Variants in EBF2 observed in about 807,000 individuals in gnomAD.
EBF2 encodes EBF transcription factor 2.
A neutral mutation model predicts 72.8 loss-of-function variants in EBF2; 21 were observed. The ratio of observed to expected loss-of-function variants is 0.29; its 90% CI spans 0.20 to 0.42. The LOEUF is 0.42. EBF2 is among the 10% of genes least tolerant of loss of function. The pLI, the probability that EBF2 is intolerant of heterozygous loss-of-function variation, is 1.00. For synonymous variants in EBF2, 299 were observed against 274.2 expected (o/e 1.09, Z -0.89); for missense variants, 637 against 731.2 (o/e 0.87, Z 1.49).
intron 5 of EBF2, among the ~76,000 whole-genome samples, chr8:26,036,345 A>G (rs1276928873): frequency 2.0e-5 from 3 of 152,304 alleles, no homozygotes; most frequent in Non-Finnish European, 4.4e-5. Flanking sequence ...TTAGGATCCA[A>G]TCCTCCATTT....
At chr8:25,941,252 C>A (rs1237378039) in intron 6 of EBF2, among the ~76,000 whole-genome samples, 1 of 148,970 alleles carries the variant, frequency 6.7e-6, no homozygotes, top group African/African-American at 2.5e-5. Context: ...GCTGCCCAGG[C>A]TGGAGTGCAG....
chr8:26,035,574 G>A (rs956983891), intron 5 of EBF2, among the ~76,000 whole-genome samples: 19 of 152,190 alleles, frequency 1.2e-4, no homozygotes, highest in African/African-American at 3.4e-4. Flanking sequence ...GTGTGGATTC[G>A]CAAGTGAGTA....
rs2117262281 is a variant in EBF2, at chr8:25,861,215, C to G, written c.1176G>C (p.Leu392Phe). 1 of 1,612,960 alleles carries G rather than the reference C, an allele frequency of 6.2e-7. No individual in the cohort carries two copies. The highest frequency in any genetic ancestry group is 2.2e-5 in the East Asian group (1 of 44,860). Residue 392 changes from leucine to phenylalanine, a missense_variant, in exon 13 of 16, where the codon TTG becomes TTC. Around this residue, in one of 3 missense-constraint regions of EBF2, gnomAD observed 259 missense variants for 268.1 expected, o/e 0.97. Transcript: ENST00000520164. Reference sequence around the variant, plus strand: ...CTTCAGCAATGTCTGCGGCTCGCTTCAAAATGATGTCCTACAAAACAACAG... The same window carrying G: ...CTTCAGCAATGTCTGCGGCTCGCTTGAAAATGATGTCCTACAAAACAACAG... ...GTPHNNQDII[L>F]KRAADIAEAL...
chr8:25,918,167 C>T (rs1803255822), intron 6 of EBF2, among the ~76,000 whole-genome samples: 1 of 152,194 alleles, frequency 6.6e-6, no homozygotes, highest in Admixed American at 6.5e-5. Flanking sequence ...TGGGCTTCTC[C>T]TGGCATCATT....
intron 7 of EBF2, 136 bp from the exon 8 acceptor site, chr8:25,890,005 A>T (rs1036244872): frequency 1.4e-6 from 1 of 712,690 alleles, no homozygotes; most frequent in African/African-American, 1.8e-5. Flanking sequence ...GGGACTCAAC[A>T]GAGTTTTCTC....
At chr8:25,903,623 G>T in intron 7 of EBF2, among the ~76,000 whole-genome samples, 1 of 152,196 alleles carries the variant, frequency 6.6e-6, no homozygotes, top group East Asian at 1.9e-4. Context: ...CGTGAATCCG[G>T]GAGGCGGAGT....
At chr8:25,855,647 G>A (rs901661942) in intron 14 of EBF2, among the ~76,000 whole-genome samples, 4 of 152,080 alleles carry the variant, frequency 2.6e-5, no homozygotes, top group Admixed American at 2.6e-4. Flanking sequence ...GTTTTCCCCC[G>A]GGCTTTTCTT....
At chr8:25,976,533 T>C (rs915446835) in intron 6 of EBF2, among the ~76,000 whole-genome samples, 16 of 152,246 alleles carry the variant, frequency 1.1e-4, no homozygotes, top group Non-Finnish European at 2.4e-4. Context: ...TATTTGGAAA[T>C]GATTTCCTGT....
chr8:25,853,382 A>AAAAG (rs757392883), intron 14 of EBF2, among the ~76,000 whole-genome samples: 6 of 152,174 alleles, frequency 3.9e-5, no homozygotes, highest in Non-Finnish European at 7.4e-5. Flanking sequence ...AGGACACAAA[A>AAAAG]AAAGAAAATC....
chr8:26,026,073 A>G (rs1164372089), intron 6 of EBF2, among the ~76,000 whole-genome samples: 2 of 152,176 alleles, frequency 1.3e-5, no homozygotes, highest in Non-Finnish European at 2.9e-5. Flanking sequence ...GATACTTGGG[A>G]GGATGAGGAG....
intron 6 of EBF2, among the ~76,000 whole-genome samples, chr8:25,921,515 G>T (rs1803305567): frequency 6.6e-6 from 1 of 152,152 alleles, no homozygotes; most frequent in South Asian, 2.1e-4. Flanking sequence ...CCAGGAATCA[G>T]GAATCAGTTA....
At chr8:26,008,586 A>G (rs1804921755) in intron 6 of EBF2, among the ~76,000 whole-genome samples, 1 of 152,126 alleles carries the variant, frequency 6.6e-6, no homozygotes, top group Admixed American at 6.6e-5. Flanking sequence ...AATAGGGAAA[A>G]ATTCTCGATT....
In EBF2 at chr8:25,843,999, G is replaced by A. The variant is rs1213516317; in HGVS notation, c.*610C>T. On this transcript the variant is annotated 3_prime_UTR_variant, in exon 16 of 16. Transcript: ENST00000520164. ...TAATTTCTACCTCTACTTACAATAA[G>A]TTACACATTTATTTATTTAAATAAT... 1 of 152,142 alleles carries A rather than the reference G, an allele frequency of 6.6e-6. No homozygotes were observed. The highest frequency in any genetic ancestry group is 1.5e-5 in the Non-Finnish European group (1 of 68,030). 9.4% of individuals were successfully genotyped at this position (152,142 alleles called of 1,614,324 possible).
At chr8:26,018,021 T>C (rs1211411426) in intron 6 of EBF2, among the ~76,000 whole-genome samples, 1 of 152,072 alleles carries the variant, frequency 6.6e-6, no homozygotes, top group Non-Finnish European at 1.5e-5. Flanking sequence ...CAATTATTTC[T>C]TTGGTACTTC....
intron 6 of EBF2, among the ~76,000 whole-genome samples, chr8:25,919,175 A>G (rs1803270632): frequency 6.6e-6 from 1 of 152,200 alleles, no homozygotes. Flanking sequence ...GAGTTTTCCA[A>G]CCAAGCATCA....
chr8:25,970,144 G>T (rs1221812403), intron 6 of EBF2, among the ~76,000 whole-genome samples: 1 of 152,152 alleles, frequency 6.6e-6, no homozygotes, highest in Non-Finnish European at 1.5e-5. Flanking sequence ...GCATCCTTCT[G>T]ACCCAGAGAG....
chr8:25,970,394 G>A (rs1365217368), intron 6 of EBF2, among the ~76,000 whole-genome samples: 1 of 152,118 alleles, frequency 6.6e-6, no homozygotes, highest in Non-Finnish European at 1.5e-5. Context: ...CATATTTTAA[G>A]CTCCAGCAAA....
chr8:26,027,104 T>G (rs1805313484), intron 6 of EBF2, among the ~76,000 whole-genome samples: 1 of 152,190 alleles, frequency 6.6e-6, no homozygotes, highest in Non-Finnish European at 1.5e-5. Flanking sequence ...ATGGTCACCT[T>G]GCAGACATAC....
chr8:26,011,201 T>A (rs568545916), intron 6 of EBF2, among the ~76,000 whole-genome samples: 27 of 152,210 alleles, frequency 1.8e-4, no homozygotes, highest in Non-Finnish European at 3.4e-4. Context: ...TTGCATAGAG[T>A]TGGAAATATT....
Sources: gnomAD v4.1 joint callset for allele counts (sites outside exome capture counted in the v4.1 genomes callset) on GRCh38, gnomAD v4.1.1 for gene constraint, gnomAD v4.1.1 regional missense constraint, MANE v1.5 for transcripts, NCBI Gene and HGNC (gene_info 2026-07-23, HGNC 2026-07-21) for gene names.